The following PNPLA1 variants were observed in gnomAD, a reference collection of about 807,000 sequenced individuals.
The protein encoded by PNPLA1 is patatin like domain 1, omega-hydroxyceramide transacylase.
Under a neutral mutation model 51.7 loss-of-function variants are expected in PNPLA1, and 36 were observed. That is an observed-to-expected ratio of 0.70 (90% CI 0.53 to 0.92). PNPLA1 has a LOEUF of 0.92. PNPLA1 is among the 40% of genes least tolerant of loss of function. The probability of loss-of-function intolerance (pLI) is 0.00; values close to 1 mark genes in which losing one functional copy is unlikely to be tolerated. For synonymous variants in PNPLA1, 293 were observed against 280.1 expected (o/e 1.05, Z -0.46); for missense variants, 658 against 682.5 (o/e 0.96, Z 0.40).
intron 1 of PNPLA1, among the ~76,000 whole-genome samples, chr6:36,250,384 G>A (rs539224551): frequency 1.3e-5 from 2 of 152,192 alleles, no homozygotes; most frequent in South Asian, 2.1e-4. Flanking sequence ...GAATATCATG[G>A]TGTAAGGCTG....
intron 8 of PNPLA1, among the ~76,000 whole-genome samples, chr6:36,309,898 A>G (rs1047428640): frequency 6.6e-6 from 1 of 152,212 alleles, no homozygotes; most frequent in Non-Finnish European, 1.5e-5. Flanking sequence ...CTCCCAAATT[A>G]CAACCACTGT....
At chr6:36,303,367 A>T (rs1245405868) in intron 6 of PNPLA1, among the ~76,000 whole-genome samples, 1 of 152,244 alleles carries the variant, frequency 6.6e-6, no homozygotes, top group African/African-American at 2.4e-5. Context: ...TGCTGGGACT[A>T]CAGGCGTGAG....
intron 5 of PNPLA1, among the ~76,000 whole-genome samples, chr6:36,297,324 G>T (rs1770888409): frequency 6.6e-6 from 1 of 152,150 alleles, no homozygotes; most frequent in African/African-American, 2.4e-5. Context: ...GATTTGGTGG[G>T]ACTGGATTTT....
upstream of PNPLA1, among the ~76,000 whole-genome samples, chr6:36,269,636 G>A (rs963735703): frequency 2.0e-5 from 3 of 152,202 alleles, no homozygotes; most frequent in African/African-American, 7.2e-5. Context: ...CTTGTCGAGA[G>A]GGCACTGACC....
chr6:36,290,356 C>T (rs1377944587), intron 1 of PNPLA1, among the ~76,000 whole-genome samples: 2 of 152,146 alleles, frequency 1.3e-5, no homozygotes, highest in Non-Finnish European at 2.9e-5. Flanking sequence ...GGCTCGGCTG[C>T]AGAAGAAGCT....
intron 5 of PNPLA1, among the ~76,000 whole-genome samples, chr6:36,300,178 T>TGTGTGGGAGAGAGAGAGAGAGAGA: frequency 1.0e-5 from 1 of 98,088 alleles, no homozygotes; most frequent in Non-Finnish European, 2.3e-5. Context: ...TGTGTGTGTG[T>TGTGTGGGAGAGAGAGAGAGAGAGA]GAGAGAGAGA....
chr6:36,246,753 C>A (rs781141669), intron 1 of PNPLA1, among the ~76,000 whole-genome samples: 26 of 152,286 alleles, frequency 1.7e-4, no homozygotes, highest in Non-Finnish European at 3.4e-4. Context: ...GAAACAAGAT[C>A]CTCCCAGGTG....
At chr6:36,267,333 A>G (rs1237391413), upstream of PNPLA1, among the ~76,000 whole-genome samples, 1 of 152,186 alleles carries the variant, frequency 6.6e-6, no homozygotes, top group Non-Finnish European at 1.5e-5. Flanking sequence ...GCTGCTCACC[A>G]GCCCTTGTCA....
intron 1 of PNPLA1, among the ~76,000 whole-genome samples, chr6:36,273,304 C>T (rs1434141079): frequency 6.7e-6 from 1 of 149,990 alleles, no homozygotes; most frequent in Non-Finnish European, 1.5e-5. Flanking sequence ...AGAAAGCCTC[C>T]ATTTGCCCGG....
chr6:36,309,646 A>G (rs1260949248), intron 8 of PNPLA1, among the ~76,000 whole-genome samples: 6 of 152,144 alleles, frequency 3.9e-5, no homozygotes, highest in Non-Finnish European at 7.4e-5. Context: ...CAAACAAGAC[A>G]ACATTCATAA....
intron 1 of PNPLA1, among the ~76,000 whole-genome samples, chr6:36,282,639 G>C (rs1190116988): frequency 1.3e-5 from 2 of 152,172 alleles, no homozygotes; most frequent in Non-Finnish European, 2.9e-5. Flanking sequence ...GCCAGGCACT[G>C]TATCCCTAAC....
intron 5 of PNPLA1, among the ~76,000 whole-genome samples, chr6:36,299,649 T>C (rs1356553279): frequency 6.6e-6 from 1 of 152,232 alleles, no homozygotes; most frequent in African/African-American, 2.4e-5. Context: ...TTGGTATTTT[T>C]AATTAATGCT....
At chr6:36,306,418 G>A (rs1419102344) in intron 7 of PNPLA1, 42 bp downstream of exon 7, 1 of 1,543,744 alleles carries the variant, frequency 6.5e-7, no homozygotes, top group East Asian at 2.3e-5. Context: ...CCTTTGGACG[G>A]AAGAAGCAAG....
intron 1 of PNPLA1, among the ~76,000 whole-genome samples, chr6:36,251,775 CA>C (rs1201456959): frequency 2.6e-5 from 4 of 151,150 alleles, no homozygotes; most frequent in Admixed American, 6.6e-5. Flanking sequence ...CCCGTCTCTA[CA>C]AAAAAAAATT....
chr6:36,262,525 C>T (rs1323778251), intron 1 of PNPLA1, among the ~76,000 whole-genome samples: 2 of 152,162 alleles, frequency 1.3e-5, no homozygotes, highest in African/African-American at 4.8e-5. Context: ...ATGGAAGTAA[C>T]AATGAAAACA....
chr6:36,301,397 A>T (rs1771041948), intron 5 of PNPLA1, among the ~76,000 whole-genome samples: 1 of 150,966 alleles, frequency 6.6e-6, no homozygotes, highest in South Asian at 2.1e-4. Flanking sequence ...CCGCCTCCTC[A>T]GCCTCCTCCC....
At chr6:36,247,354 T>G (rs1490826232) in intron 1 of PNPLA1, among the ~76,000 whole-genome samples, 1 of 152,238 alleles carries the variant, frequency 6.6e-6, no homozygotes, top group East Asian at 1.9e-4. Flanking sequence ...CTGTACTTGC[T>G]TGGCAAAACC....
At chr6:36,288,625 T>A (rs959246389) in intron 1 of PNPLA1, among the ~76,000 whole-genome samples, 1 of 151,608 alleles carries the variant, frequency 6.6e-6, no homozygotes, top group African/African-American at 2.4e-5. Flanking sequence ...GCTAATTTTT[T>A]TTTTTTGTAT....
In PNPLA1 at chr6:36,302,040, G is replaced by T. The variant is rs182227800; in HGVS notation, c.955G>T (p.Asp319Tyr). The T allele has an allele frequency of 6.2e-7, 1 of 1,614,226 alleles. No individual in the cohort carries two copies. The highest frequency in any genetic ancestry group is 8.5e-7 in the Non-Finnish European group (1 of 1,180,050). ...QPHKEWVPKG[D>Y]GRGSHGPPVS... ...TCACAAGGAGTGGGTTCCCAAAGGGGATGGAAGGGGCAGCCATGGTCCGCC... is the reference window on the plus strand; with the variant it reads ...TCACAAGGAGTGGGTTCCCAAAGGGTATGGAAGGGGCAGCCATGGTCCGCC... The change falls in exon 6 of 9, where the codon GAT becomes TAT. Residue 319 changes from aspartate to tyrosine, a missense_variant. Physicochemically the swap from Asp to Tyr is radical, Grantham distance 160. Coordinates refer to ENST00000636260, the MANE Select transcript of PNPLA1 (RefSeq NM_001374623.1).
Sources: allele counts gnomAD v4.1 joint callset (sites outside exome capture counted in the v4.1 genomes callset), GRCh38; gene constraint gnomAD v4.1.1; transcripts MANE v1.5; gene names NCBI Gene and HGNC (gene_info 2026-07-23, HGNC 2026-07-21).